The following TP63 variants were observed in gnomAD, a reference collection of about 807,000 sequenced individuals.
The protein encoded by TP63 is tumor protein p63.
In TP63, 17 loss-of-function variants were observed where a neutral mutation model predicts 82.8. That is an observed-to-expected ratio of 0.21 (90% confidence interval 0.14 to 0.31). The LOEUF is 0.31. Ranked by LOEUF, TP63 falls within the 10% of genes least tolerant of loss-of-function variation. The pLI is 1.00. For missense variants in TP63, 648 were observed against 895.3 expected, an observed-to-expected ratio of 0.72 and a Z score of 3.52; for synonymous variants, 330 against 321.7, an observed-to-expected ratio of 1.03 and a Z score of -0.28.
intron 1 of TP63, among the ~76,000 whole-genome samples, chr3:189,729,721 A>C (rs1172033230): frequency 6.6e-6 from 1 of 152,156 alleles, no homozygotes; most frequent in Non-Finnish European, 1.5e-5. Flanking sequence ...TGAGGTTGAA[A>C]AGGAAAGATT....
At chr3:189,693,777 T>A (rs1717129633) in intron 1 of TP63, among the ~76,000 whole-genome samples, 1 of 152,100 alleles carries the variant, frequency 6.6e-6, no homozygotes, top group African/African-American at 2.4e-5. Context: ...AGATGTGCAT[T>A]TGGAGCAGAT....
chr3:189,726,634 A>T (rs1719795194), intron 1 of TP63, among the ~76,000 whole-genome samples: 1 of 152,164 alleles, frequency 6.6e-6, no homozygotes, highest in South Asian at 2.1e-4. Flanking sequence ...AGTTACAATA[A>T]AAAAAATCAG....
At chr3:189,880,516 C>T (rs1405523435) in intron 10 of TP63, 9 of 1,000,422 alleles carry the variant, frequency 9.0e-6, no homozygotes, top group East Asian at 9.9e-5. Flanking sequence ...TTTATTGGAA[C>T]CCTTTTCTGT....
At chr3:189,892,644 T>C (rs1194190012) in intron 13 of TP63, among the ~76,000 whole-genome samples, 2 of 151,670 alleles carry the variant, frequency 1.3e-5, no homozygotes, top group Non-Finnish European at 1.5e-5. Flanking sequence ...TACAAAAAAT[T>C]AGCCAGGTGT....
At chr3:189,599,621 C>T in the TP63 span, among the ~76,000 whole-genome samples, 1 of 152,162 alleles carries the variant, frequency 6.6e-6, no homozygotes, top group South Asian at 2.1e-4. Flanking sequence ...ATGAGGTCTA[C>T]CAGTTTCTTC....
At chr3:189,599,163 A>T in the TP63 span, among the ~76,000 whole-genome samples, 1 of 152,106 alleles carries the variant, frequency 6.6e-6, no homozygotes, top group Non-Finnish European at 1.5e-5. Context: ...TCCACCTTTA[A>T]TTCAAACTTT....
chr3:189,815,202 C>T (rs1460074633), intron 4 of TP63, among the ~76,000 whole-genome samples: 2 of 151,820 alleles, frequency 1.3e-5, no homozygotes, highest in African/African-American at 4.8e-5. Flanking sequence ...TTTACTATAG[C>T]TTCACTCTTC....
chr3:189,719,678 T>C (rs898569623), intron 1 of TP63, among the ~76,000 whole-genome samples: 3 of 152,198 alleles, frequency 2.0e-5, no homozygotes, highest in African/African-American at 7.2e-5. Context: ...CAAATGAGCA[T>C]GGCTTAAACA....
chr3:189,825,877 A>T (rs1019812457), intron 4 of TP63, among the ~76,000 whole-genome samples: 1 of 152,126 alleles, frequency 6.6e-6, no homozygotes, highest in Non-Finnish European at 1.5e-5. Context: ...TGTAATTTGT[A>T]CCCAGTATTC....
At chr3:189,771,424 T>C (rs1021938904) in intron 3 of TP63, among the ~76,000 whole-genome samples, 4 of 140,292 alleles carry the variant, frequency 2.9e-5, no homozygotes, top group Non-Finnish European at 6.1e-5. Context: ...TATATAATTA[T>C]ATATAAATCT....
At chr3:189,840,857 CAA>C (rs58360712) in intron 4 of TP63, among the ~76,000 whole-genome samples, 19 of 97,308 alleles carry the variant, frequency 2.0e-4, no homozygotes, top group African/African-American at 6.1e-4. Context: ...ACTCAGTCTC[CAA>C]AAAAAAAAAA....
the TP63 span, among the ~76,000 whole-genome samples, chr3:189,609,192 A>G: frequency 6.6e-6 from 1 of 152,126 alleles, no homozygotes; most frequent in Non-Finnish European, 1.5e-5. Flanking sequence ...CCTTTTAGAC[A>G]TCTTTCCATG....
intron 4 of TP63, among the ~76,000 whole-genome samples, chr3:189,821,333 C>T (rs1052708996): frequency 5.9e-5 from 9 of 152,190 alleles, no homozygotes; most frequent in Non-Finnish European, 1.0e-4. Context: ...CACTTCACAG[C>T]GCTTAGATTT....
At chr3:189,833,678 CTT>C (rs10587481) in intron 4 of TP63, among the ~76,000 whole-genome samples, 28,656 of 147,106 alleles carry the variant, frequency 0.19, 3,542 homozygotes, top group African/African-American at 0.36. Flanking sequence ...TTCTCTCTCT[CTT>C]TTTTTTTTTT....
chr3:189,713,392 C>G (rs1226077900), intron 1 of TP63, among the ~76,000 whole-genome samples: 1 of 152,180 alleles, frequency 6.6e-6, no homozygotes, highest in South Asian at 2.1e-4. Context: ...TTGATACCAT[C>G]CTCTGGTCCT....
chr3:189,735,274 C>T (rs377677121), intron 1 of TP63, among the ~76,000 whole-genome samples: 2 of 152,180 alleles, frequency 1.3e-5, no homozygotes, highest in African/African-American at 2.4e-5. Context: ...GTTTTATCCA[C>T]GCTCACAGAT....
chr3:189,797,541 T>G (rs1245294799), intron 3 of TP63, among the ~76,000 whole-genome samples: 3 of 152,042 alleles, frequency 2.0e-5, no homozygotes, highest in Non-Finnish European at 4.4e-5. Flanking sequence ...TGTCACTCTA[T>G]TGATGGAGTC....
At chr3:189,753,498 G>A (rs559398994) in intron 3 of TP63, among the ~76,000 whole-genome samples, 1 of 151,888 alleles carries the variant, frequency 6.6e-6, no homozygotes, top group Admixed American at 6.6e-5. Context: ...ATGTTTGCAA[G>A]GCAAATTTTT....
the TP63 span, among the ~76,000 whole-genome samples, chr3:189,625,662 G>A: frequency 6.6e-6 from 1 of 152,118 alleles, no homozygotes; most frequent in Admixed American, 6.6e-5. Context: ...TTAGAGTAAA[G>A]GTGCAACATA....
Sources: gnomAD v4.1 joint callset for allele counts (sites outside exome capture counted in the v4.1 genomes callset) on GRCh38, gnomAD v4.1.1 for gene constraint, MANE v1.5 for transcripts, NCBI Gene and HGNC (gene_info 2026-07-23, HGNC 2026-07-21) for gene names.